Variants in MGAT2 observed in about 807,000 individuals in gnomAD.
MGAT2 encodes the protein alpha-1,6-mannosyl-glycoprotein 2-beta-N-acetylglucosaminyltransferase, also known as Beta-1,2-N-acetylglucosaminyltransferase II.
A neutral mutation model predicts 33.8 loss-of-function variants in MGAT2; 17 were observed. That is an observed-to-expected ratio of 0.50 (90% CI 0.34 to 0.76). MGAT2 has a LOEUF of 0.76. Ranked by LOEUF, MGAT2 falls within the 30% of genes least tolerant of loss-of-function variation. MGAT2 has a pLI of 0.01. For missense variants in MGAT2, 529 were observed against 553.9 expected (o/e 0.96, Z 0.45); for synonymous variants, 248 against 226.7 (o/e 1.09, Z -0.84).
At position 49,622,091 on chromosome 14, in the gene MGAT2, A is replaced by T. The variant is rs201540992; in HGVS notation, c.823A>T (p.Met275Leu). The T allele has an allele frequency of 3.7e-6, 6 of 1,614,098 alleles. No homozygotes were observed. Among genetic ancestry groups the T allele is most frequent in the Non-Finnish European group, 5.1e-6 (6 of 1,180,044 alleles). Residue 275 changes from methionine (M) to leucine (L), a missense_variant, in exon 1 of 1, where the codon ATG becomes TTG. Around this residue, in one of 2 missense-constraint regions of MGAT2, gnomAD observed 501 missense variants for 501.1 expected, o/e 1.00. Transcript: ENST00000305386. ...APDFYHVFKK[M>L]WKLKQQECPE... is the part of the protein sequence containing the mutation. ...AGACTTTTACCATGTCTTCAAAAAG[A>T]TGTGGAAACTGAAGCAGCAAGAGTG...
Position 49,622,125 on chromosome 14 carries a change from G to C in MGAT2, c.857G>C (p.Cys286Ser). The change falls in exon 1 of 1, where the codon TGT becomes TCT. Residue 286 changes from cysteine to serine, a missense_variant. Around this residue, in one of 2 missense-constraint regions of MGAT2, gnomAD observed 501 missense variants for 501.1 expected, o/e 1.00. Coordinates refer to ENST00000305386, the MANE Select transcript of MGAT2 (RefSeq NM_002408.4). Reference sequence around the variant, plus strand: ...CTGAAGCAGCAAGAGTGCCCTGAATGTGATGTTCTCTCCCTGGGGACCTAT... The same window carrying C: ...CTGAAGCAGCAAGAGTGCCCTGAATCTGATGTTCTCTCCCTGGGGACCTAT... The part of the protein sequence containing the change: ...WKLKQQECPE[C>S]DVLSLGTYSA... 1.2e-6 allele frequency: 2 copies of C among 1,614,206 alleles called. No individual in the cohort carries two copies. Among genetic ancestry groups the C allele is most frequent in the Non-Finnish European group, 1.7e-6 (2 of 1,180,038 alleles).
Position 49,621,544 on chromosome 14 carries a change from G to T in MGAT2, c.276G>T (p.Arg92=). Reference sequence around the variant, plus strand: ...CGGACAACCTGACGCTGCGGTACCGGTCCCTGGTGTACCAGCTGAACTTTG... The same window carrying T: ...CGGACAACCTGACGCTGCGGTACCGTTCCCTGGTGTACCAGCTGAACTTTG... The part of the protein sequence containing the change: ...PEADNLTLRY[R]SLVYQLNFDQ... Residue 92 remains arginine, a synonymous_variant, in exon 1 of 1, where the codon CGG becomes CGT. Coordinates refer to ENST00000305386, the MANE Select transcript of MGAT2 (RefSeq NM_002408.4). The surrounding 1 kb of genome is among the most constrained non-coding windows in gnomAD (Gnocchi z 4.6). 1 of 1,613,646 alleles carries T rather than the reference G, an allele frequency of 6.2e-7. No homozygotes were observed. Among genetic ancestry groups the T allele is most frequent in the South Asian group, 1.1e-5 (1 of 91,088 alleles).
Position 49,620,815 on chromosome 14 carries a change from A to G in MGAT2, c.-454A>G, listed in dbSNP as rs1594598484. 1.8e-5 allele frequency: 11 copies of G among 605,326 alleles called. No individual in the cohort carries two copies. The highest frequency in any genetic ancestry group is 2.8e-5 in the East Asian group (1 of 35,148). 37.5% of individuals were successfully genotyped at this position (605,326 alleles called of 1,614,324 possible). ...TGCCGCGGGGCAGTTGCGGGTTGTC[A>G]TAACGGTCCCCGCCGGAGTGAGGCG... On this transcript the variant is annotated 5_prime_UTR_variant, in exon 1 of 1. Transcript: ENST00000305386.
chr14:49,621,541 C>G lies in MGAT2; in HGVS notation c.273C>G (p.Tyr91Ter). The change falls in exon 1 of 1, where the codon TAC becomes TAG. Residue 91 changes from tyrosine (Y) to a stop codon, truncating the protein, a stop_gained. Transcript: ENST00000305386. LOFTEE classifies it high-confidence loss of function. This position sits in a 1 kb window ranked among gnomAD's most constrained non-coding sequence, Gnocchi z 4.6. ...QPEADNLTLR[Y>*]RSLVYQLNFD... Reference sequence around the variant, plus strand: ...AGGCGGACAACCTGACGCTGCGGTACCGGTCCCTGGTGTACCAGCTGAACT... The same window carrying G: ...AGGCGGACAACCTGACGCTGCGGTAGCGGTCCCTGGTGTACCAGCTGAACT... 1 of 1,613,502 alleles carries G rather than the reference C, an allele frequency of 6.2e-7. No homozygotes were observed. The highest frequency in any genetic ancestry group is 1.1e-5 in the South Asian group (1 of 91,082).
chr14:49,622,735 G>C lies in MGAT2; in HGVS notation c.*123G>C. 2 of 989,782 alleles carry C rather than the reference G, an allele frequency of 2.0e-6. No homozygotes were observed. The allele number at this position is 989,782 out of a possible 1,614,324, so 61.3% of individuals were successfully genotyped here. A position where few individuals can be genotyped will look rare whatever the true frequency, so the allele number is the denominator to read the frequency against. ...AATACAAAAACAAAATCTTGTAAAAGGTGTCCAAATACATAGTAATCTTTT... is the reference window on the plus strand; with the variant it reads ...AATACAAAAACAAAATCTTGTAAAACGTGTCCAAATACATAGTAATCTTTT... On this transcript the variant is annotated 3_prime_UTR_variant, in exon 1 of 1. Transcript: ENST00000305386.
chr14:49,622,278 C>T lies in MGAT2; in HGVS notation c.1010C>T (p.Thr337Ile). 6.2e-7 allele frequency: 1 copy of T among 1,614,112 alleles called. No individual in the cohort carries two copies. The highest frequency in any genetic ancestry group is 8.5e-7 in the Non-Finnish European group (1 of 1,180,010). Residue 337 changes from threonine (T) to isoleucine (I), a missense_variant, in exon 1 of 1, where the codon ACT (threonine) becomes ATT (isoleucine). Around this residue, in one of 2 missense-constraint regions of MGAT2, gnomAD observed 501 missense variants for 501.1 expected, o/e 1.00. Coordinates refer to ENST00000305386, the MANE Select transcript of MGAT2 (RefSeq NM_002408.4). ...CAGAAGCTGATCGAGTGCACAGACA[C>T]TTTCTGTACTTATGATGATTATAAC... ...AYQKLIECTD[T>I]FCTYDDYNWD... is the part of the protein sequence containing the mutation.
In MGAT2 at chr14:49,622,574, G is replaced by T; in HGVS notation, c.1306G>T (p.Asp436Tyr). ...AAATGGAGGGTGGGGAGATATTAGG[G>T]ACCATGAACTCTGTAAAAGTTATAG... Reference protein sequence around the residue: ...RKNGGWGDIRDHELCKSYRRL... With the variant: ...RKNGGWGDIRYHELCKSYRRL... The change falls in exon 1 of 1, where the codon GAC becomes TAC. Residue 436 changes from aspartate to tyrosine, a missense_variant. Coordinates refer to ENST00000305386, the MANE Select transcript of MGAT2 (RefSeq NM_002408.4). 6.3e-7 allele frequency: 1 copy of T among 1,592,604 alleles called. No individual in the cohort carries two copies. Among genetic ancestry groups the T allele is most frequent in the Admixed American group, 1.9e-5 (1 of 53,808 alleles).
rs767473693 is a variant in MGAT2, at chr14:49,621,285, A to G, written c.17A>G (p.Tyr6Cys). The G allele has an allele frequency of 6.2e-7, 1 of 1,612,506 alleles. No individual in the cohort carries two copies. The highest frequency in any genetic ancestry group is 1.7e-5 in the Admixed American group (1 of 60,024). ...CTGGAGACCATGAGGTTCCGCATCT[A>G]CAAACGGAAGGTGCTAATCCTGACG... MRFRI[Y>C]KRKVLILTLV... Residue 6 changes from tyrosine to cysteine, a missense_variant, in exon 1 of 1, where the codon TAC becomes TGC. Tyr to Cys is a radical substitution (Grantham distance 194, BLOSUM62 -2). Coordinates refer to ENST00000305386, the MANE Select transcript of MGAT2 (RefSeq NM_002408.4). This position sits in a 1 kb window ranked among gnomAD's most constrained non-coding sequence, Gnocchi z 4.6.
In MGAT2 at chr14:49,621,160, T is replaced by G; in HGVS notation, c.-109T>G. ...TAGCGAGGGCAGCCGCGGGGGCCAG[T>G]TCCGACCGTGACAGGCCAAGGCGAC... is the stretch of plus-strand genomic sequence containing the variant. On this transcript the variant is annotated 5_prime_UTR_variant, in exon 1 of 1. Coordinates refer to ENST00000305386, the MANE Select transcript of MGAT2 (RefSeq NM_002408.4). This position sits in a 1 kb window ranked among gnomAD's most constrained non-coding sequence, Gnocchi z 4.6. The G allele has an allele frequency of 6.5e-7, 1 of 1,535,340 alleles. No homozygotes were observed. The highest frequency in any genetic ancestry group is 1.2e-5 in the South Asian group (1 of 85,594).
Position 49,622,260 on chromosome 14 carries a change from T to C in MGAT2, c.992T>C (p.Leu331Pro). 6.2e-7 allele frequency: 1 copy of C among 1,614,216 alleles called. No homozygotes were observed. Among genetic ancestry groups the C allele is most frequent in the Non-Finnish European group, 8.5e-7 (1 of 1,180,048 alleles). Residue 331 changes from leucine (L) to proline (P), a missense_variant, in exon 1 of 1, where the codon CTG (leucine) becomes CCG (proline). This residue lies in a region of MGAT2 where 501 missense variants were observed against 501.1 expected (regional missense o/e 1.00). Transcript: ENST00000305386. ...LALTRNAYQK[L>P]IECTDTFCTY... is the part of the protein sequence containing the mutation. The stretch of plus-strand genomic sequence containing the variant: ...TTGACCCGGAATGCCTATCAGAAGC[T>C]GATCGAGTGCACAGACACTTTCTGT...
Position 49,620,903 on chromosome 14 carries a change from A to C in MGAT2, c.-366A>C, listed in dbSNP as rs1882822798. ...GTAAGGATGAGAGCGCAGAGGACGC[A>C]GGGCCGCTGGAGGCGCAGGTAACGA... On this transcript the variant is annotated 5_prime_UTR_variant, in exon 1 of 1. Coordinates refer to ENST00000305386, the MANE Select transcript of MGAT2 (RefSeq NM_002408.4). The C allele has an allele frequency of 2.9e-6, 2 of 700,530 alleles. No individual in the cohort carries two copies. The highest frequency in any genetic ancestry group is 5.2e-6 in the Non-Finnish European group (2 of 384,094). The allele number at this position is 700,530 out of a possible 1,614,324, so 43.4% of individuals were successfully genotyped here. A position where few individuals can be genotyped will look rare whatever the true frequency, so the allele number is the denominator to read the frequency against.
At position 49,621,629 on chromosome 14, in the gene MGAT2, G is replaced by A; in HGVS notation, c.361G>A (p.Val121Met). 1 of 1,614,142 alleles carries A rather than the reference G, an allele frequency of 6.2e-7. No individual in the cohort carries two copies. Among genetic ancestry groups the A allele is most frequent in the South Asian group, 1.1e-5 (1 of 91,074 alleles). The change falls in exon 1 of 1, where the codon GTG becomes ATG. Residue 121 changes from valine (V) to methionine (M), a missense_variant. By Grantham distance (21) the Val-to-Met change is conservative (BLOSUM62 1). This residue lies in a region of MGAT2 where 501 missense variants were observed against 501.1 expected (regional missense o/e 1.00). Transcript: ENST00000305386. The surrounding 1 kb of genome is among the most constrained non-coding windows in gnomAD (Gnocchi z 4.6). The part of the protein sequence containing the change: ...GTWAPRELVL[V>M]VQVHNRPEYL... The stretch of plus-strand genomic sequence containing the variant: ...CTGGGCCCCCCGGGAGCTGGTGCTG[G>A]TGGTCCAGGTGCATAACCGGCCCGA...
chr14:49,622,036 T>G lies in MGAT2; in HGVS notation c.768T>G (p.Leu256=), dbSNP rs77872234. 1,582 of 1,613,998 alleles carry G rather than the reference T, an allele frequency of 9.8e-4. 15 individuals carry two copies. In the East Asian group the frequency reaches 0.021, roughly 21 times the overall value. ...TTCGAGATTATGCTGGCCTTATACT[T>G]TTCCTAGAAGAGGATCACTACTTAG... ...KILRDYAGLI[L]FLEEDHYLAP... The change falls in exon 1 of 1, where the codon CTT becomes CTG. Residue 256 remains leucine (L), a synonymous_variant. Coordinates refer to ENST00000305386, the MANE Select transcript of MGAT2 (RefSeq NM_002408.4).
Position 49,620,824 on chromosome 14 carries a change from C to G in MGAT2, c.-445C>G, listed in dbSNP as rs1594598507. 3.3e-6 allele frequency: 2 copies of G among 612,586 alleles called. No individual in the cohort carries two copies. The highest frequency in any genetic ancestry group is 5.7e-5 in the East Asian group (2 of 35,234). The allele number at this position is 612,586 out of a possible 1,614,324, so 37.9% of individuals were successfully genotyped here. The stretch of plus-strand genomic sequence containing the variant: ...GCAGTTGCGGGTTGTCATAACGGTC[C>G]CCGCCGGAGTGAGGCGAGGCCGCGT... On this transcript the variant is annotated 5_prime_UTR_variant, in exon 1 of 1. Coordinates refer to ENST00000305386, the MANE Select transcript of MGAT2 (RefSeq NM_002408.4).
Position 49,621,180 on chromosome 14 carries a change from G to A in MGAT2, c.-89G>A, listed in dbSNP as rs1180333169. 1.3e-6 allele frequency: 2 copies of A among 1,585,262 alleles called. No homozygotes were observed. Among genetic ancestry groups the A allele is most frequent in the Non-Finnish European group, 1.7e-6 (2 of 1,166,616 alleles). ...GCCAGTTCCGACCGTGACAGGCCAA[G>A]GCGACGGCCGCCGCCCGCCCGCCCC... On this transcript the variant is annotated 5_prime_UTR_variant, in exon 1 of 1. Transcript: ENST00000305386. This position sits in a 1 kb window ranked among gnomAD's most constrained non-coding sequence, Gnocchi z 4.6.
rs761612212 is a variant in MGAT2, at chr14:49,622,683, AAG to A, written c.*74_*75del. On this transcript the variant is annotated 3_prime_UTR_variant, in exon 1 of 1. Coordinates refer to ENST00000305386, the MANE Select transcript of MGAT2 (RefSeq NM_002408.4). ...CCAAACAGGACATACAATTGAATAAAAGAGTTTAGGAACTGGTTTCTGCTTTA... is the reference window on the plus strand; with the variant it reads ...CCAAACAGGACATACAATTGAATAAAAGTTTAGGAACTGGTTTCTGCTTTA... 1.9e-4 allele frequency: 287 copies of A among 1,494,688 alleles called. 1 individual carries two copies. Among genetic ancestry groups the A allele is most frequent in the South Asian group, 5.5e-4 (41 of 74,666 alleles). The allele number at this position is 1,494,688 out of a possible 1,614,324, so 92.6% of individuals were successfully genotyped here. A position where few individuals can be genotyped will look rare whatever the true frequency, so the allele number is the denominator to read the frequency against.
Position 49,622,568 on chromosome 14 carries a change from A to G in MGAT2, c.1300A>G (p.Ile434Val). The G allele has an allele frequency of 6.3e-7, 1 of 1,592,800 alleles. No homozygotes were observed. Among genetic ancestry groups the G allele is most frequent in the Non-Finnish European group, 8.5e-7 (1 of 1,172,994 alleles). Residue 434 changes from isoleucine (I) to valine (V), a missense_variant, in exon 1 of 1, where the codon ATT becomes GTT. Physicochemically the swap from Ile to Val is conservative, Grantham distance 29. This residue lies in a region of MGAT2 where 28 missense variants were observed against 52.8 expected (regional missense o/e 0.53). Transcript: ENST00000305386. ...PPRKNGGWGD[I>V]RDHELCKSYR... is the part of the protein sequence containing the mutation. The stretch of plus-strand genomic sequence containing the variant: ...TAGAAAAAATGGAGGGTGGGGAGAT[A>G]TTAGGGACCATGAACTCTGTAAAAG...
Position 49,622,830 on chromosome 14 carries a change from G to A in MGAT2, c.*218G>A, listed in dbSNP as rs1207358799. The A allele has an allele frequency of 2.5e-6, 1 of 396,488 alleles. No individual in the cohort carries two copies. The highest frequency in any genetic ancestry group is 4.1e-5 in the Admixed American group (1 of 24,308). The allele number at this position is 396,488 out of a possible 1,614,324, so 24.6% of individuals were successfully genotyped here. ...GGAGTAGGGTTTTAAAGCTCAATCT[G>A]TTATCTGCTAAAATTGATTATTGTT... On this transcript the variant is annotated 3_prime_UTR_variant, in exon 1 of 1. Transcript: ENST00000305386.
chr14:49,621,201 G>A lies in MGAT2; in HGVS notation c.-68G>A. ...CCAAGGCGACGGCCGCCGCCCGCCC[G>A]CCCCTTCCGTGCAGAAGCAGCTGCT... is the stretch of plus-strand genomic sequence containing the variant. On this transcript the variant is annotated 5_prime_UTR_variant, in exon 1 of 1. Coordinates refer to ENST00000305386, the MANE Select transcript of MGAT2 (RefSeq NM_002408.4). This position sits in a 1 kb window ranked among gnomAD's most constrained non-coding sequence, Gnocchi z 4.6. The A allele has an allele frequency of 1.9e-6, 3 of 1,595,386 alleles. No homozygotes were observed. The highest frequency in any genetic ancestry group is 2.6e-6 in the Non-Finnish European group (3 of 1,170,142).
Sources: gnomAD v4.1 joint callset for allele counts on GRCh38, gnomAD v4.1.1 for gene constraint, gnomAD v4.1.1 regional missense constraint, Gnocchi (gnomAD v3.1) non-coding constraint, MANE v1.5 for transcripts, NCBI Gene and HGNC (gene_info 2026-07-23, HGNC 2026-07-21) for gene names.